Variants in NKAIN4 observed in about 807,000 individuals in gnomAD.
The protein encoded by NKAIN4 is sodium/potassium-transporting ATPase subunit beta-1-interacting protein 4.
A neutral mutation model predicts 28.8 loss-of-function variants in NKAIN4; 28 were observed. The ratio of observed to expected loss-of-function variants is 0.97; its 90% CI spans 0.72 to 1.33. The LOEUF (loss-of-function observed/expected upper bound fraction) is 1.33. Among genes scored for constraint, NKAIN4 ranks in the 40% most tolerant of loss-of-function variants. The pLI is 0.00. For missense variants in NKAIN4, 289 were observed against 277.2 expected, an observed-to-expected ratio of 1.04 and a Z score of -0.30; for synonymous variants, 122 against 115.6, an observed-to-expected ratio of 1.06 and a Z score of -0.36.
intron 4 of NKAIN4, chr20:63,246,761 G>A: frequency 2.0e-6 from 2 of 985,476 alleles, no homozygotes; most frequent in Non-Finnish European, 2.4e-6. Flanking sequence ...CTCTTGAGGT[G>A]AAACGCTGAC....
At chr20:63,242,080 T>C (rs6122107) in intron 6 of NKAIN4, among the ~76,000 whole-genome samples, 81,938 of 151,994 alleles carry the variant, frequency 0.54, 22,378 homozygotes, top group East Asian at 0.87. Context: ...GTGGGAGCCC[T>C]GGCACCCCAT....
chr20:63,248,978 C>T (rs991462075), intron 2 of NKAIN4, 83 bp from the exon 3 acceptor site: 2 of 920,924 alleles, frequency 2.2e-6, no homozygotes, highest in African/African-American at 3.3e-5. Flanking sequence ...GGGAAGGGGT[C>T]CCATGATCGC....
Position 63,241,087 on chromosome 20 carries a change from G to A in NKAIN4, c.*410C>T, listed in dbSNP as rs2066742005. 4.5e-6 allele frequency: 1 copy of A among 219,892 alleles called. No homozygotes were observed. Among genetic ancestry groups the A allele is most frequent in the East Asian group, 1.5e-4 (1 of 6,760 alleles). The allele number at this position is 219,892 out of a possible 1,614,324, so 13.6% of individuals were successfully genotyped here. A position where few individuals can be genotyped will look rare whatever the true frequency, so the allele number is the denominator to read the frequency against. ...GTCTCGGGCCTCACATTGACTTCCT[G>A]GGGAGGCTGCATCCCAGCAGCAGTG... is the stretch of plus-strand genomic sequence containing the variant. On this transcript the variant is annotated 3_prime_UTR_variant, in exon 7 of 7. Coordinates refer to ENST00000370316, the MANE Select transcript of NKAIN4 (RefSeq NM_152864.4).
chr20:63,250,195 C>T (rs2066932440), intron 1 of NKAIN4, 123 bp from the exon 2 acceptor site: 2 of 1,182,930 alleles, frequency 1.7e-6, no homozygotes, highest in South Asian at 3.2e-5. Context: ...GCCCACCACA[C>T]CTTTGTTTGA....
At position 63,245,546 on chromosome 20, in the gene NKAIN4, A is replaced by G. The variant is rs532491768; in HGVS notation, c.472-1462T>C. On this transcript the variant is annotated intron_variant, in intron 4 of 6. Transcript: ENST00000370316. The surrounding 1 kb of genome is among the most constrained non-coding windows in gnomAD (Gnocchi z 4.7). ...TCCTCCTGGCTCCAGCCCCAGGTCC[A>G]CCCCAAAGCTCTCCCCTCTCCCTGC... 2.6e-5 allele frequency among the ~76,000 whole-genome samples: 4 copies of G among 151,244 alleles called. No homozygotes were observed. Among genetic ancestry groups the G allele is most frequent in the African/African-American group, 9.7e-5 (4 of 41,146 alleles).
chr20:63,253,807 C>G (rs987658773), intron 1 of NKAIN4, among the ~76,000 whole-genome samples: 2 of 151,540 alleles, frequency 1.3e-5, no homozygotes, highest in Non-Finnish European at 1.5e-5. Flanking sequence ...CCCTTCTCGC[C>G]TCCGCGTAGC....
At chr20:63,243,508 C>T (rs2066799020) in intron 5 of NKAIN4, among the ~76,000 whole-genome samples, 1 of 152,042 alleles carries the variant, frequency 6.6e-6, no homozygotes. Context: ...CCTGTGAGAC[C>T]ACACCAGGAC....
upstream of NKAIN4, chr20:63,254,482 C>T (rs1279041416): frequency 5.4e-6 from 7 of 1,291,930 alleles, no homozygotes; most frequent in African/African-American, 8.0e-5. Flanking sequence ...CCCCCGGGTG[C>T]CCCGCGCTCG....
At chr20:63,248,667 G>A in intron 3 of NKAIN4, 148 bp downstream of exon 3, 1 of 640,126 alleles carries the variant, frequency 1.6e-6, no homozygotes, top group East Asian at 2.8e-5. Flanking sequence ...CTACAGACCA[G>A]GGCTGTTCTG....
chr20:63,252,542 C>T lies in NKAIN4; in HGVS notation c.54+1855G>A. On this transcript the variant is annotated intron_variant, in intron 1 of 6. Transcript: ENST00000370316. This position sits in a 1 kb window ranked among gnomAD's most constrained non-coding sequence, Gnocchi z 4.6. ...CCCATGCAGTGACTAGAGCTGTGGT[C>T]AAGGACTCTTCTTCCCCAAGGCAGA... 6.6e-6 allele frequency among the ~76,000 whole-genome samples: 1 copy of T among 152,222 alleles called. No homozygotes were observed. Among genetic ancestry groups the T allele is most frequent in the East Asian group, 1.9e-4 (1 of 5,174 alleles).
chr20:63,246,822 C>T (rs568561356), intron 4 of NKAIN4: 12 of 985,474 alleles, frequency 1.2e-5, no homozygotes, highest in East Asian at 2.3e-4. Flanking sequence ...CTGAGCACTT[C>T]GAGGAAGGCA....
rs1342191227 is a variant in NKAIN4, at chr20:63,252,075, C to T, written c.55-2003G>A. ...GCTGCACATCTCGGCTAAGGGGTCTCGGCCTGAGGAGCAGCCTCAGGTCTG... is the reference window on the plus strand; with the variant it reads ...GCTGCACATCTCGGCTAAGGGGTCTTGGCCTGAGGAGCAGCCTCAGGTCTG... On this transcript the variant is annotated intron_variant, in intron 1 of 6. Coordinates refer to ENST00000370316, the MANE Select transcript of NKAIN4 (RefSeq NM_152864.4). This position sits in a 1 kb window ranked among gnomAD's most constrained non-coding sequence, Gnocchi z 4.6. Among the ~76,000 whole-genome samples the T allele has an allele frequency of 1.3e-5, 2 of 152,182 alleles. No individual in the cohort carries two copies. Among genetic ancestry groups the T allele is most frequent in the Non-Finnish European group, 2.9e-5 (2 of 68,028 alleles).
chr20:63,251,328 G>C lies in NKAIN4; in HGVS notation c.55-1256C>G, dbSNP rs1044900833. ...GACCACTGAAGCACAGCATCACAGG[G>C]AGACGGTTAGGCCTCCGGATAACTG... On this transcript the variant is annotated intron_variant, in intron 1 of 6. Transcript: ENST00000370316. 3.3e-5 allele frequency among the ~76,000 whole-genome samples: 5 copies of C among 152,340 alleles called. No individual in the cohort carries two copies. The East Asian group carries it at 9.7e-4, about 29-fold the overall frequency.
intron 3 of NKAIN4, 87 bp downstream of exon 3, chr20:63,248,728 G>A: frequency 1.2e-6 from 1 of 849,598 alleles, no homozygotes; most frequent in Non-Finnish European, 2.0e-6. Flanking sequence ...TCAGACGACA[G>A]ATGAAAAGCA....
At chr20:63,243,035 T>C (rs13037647) in intron 5 of NKAIN4, among the ~76,000 whole-genome samples, 93,742 of 152,050 alleles carry the variant, frequency 0.62, 29,194 homozygotes, top group East Asian at 0.86. Flanking sequence ...CCCTCCGTCA[T>C]GTTCAGACCG....
rs147844475 is a variant in NKAIN4 at position 63,247,326 on chromosome 20, C to T, written c.471+252G>A. On this transcript the variant is annotated intron_variant, in intron 4 of 6. Transcript: ENST00000370316. Reference sequence around the variant, plus strand: ...TTCCCACTCCCCACAGCAAACACCACGCTCAACTTGAGAAAGCGCCTGGGT... The same window carrying T: ...TTCCCACTCCCCACAGCAAACACCATGCTCAACTTGAGAAAGCGCCTGGGT... 2.6e-3 allele frequency: 3,802 copies of T among 1,447,928 alleles called. 7 individuals are homozygous for T. Among genetic ancestry groups the T allele is most frequent in the Non-Finnish European group, 3.3e-3 (3,577 of 1,096,544 alleles). 89.7% of individuals were successfully genotyped at this position (1,447,928 alleles called of 1,614,324 possible).
At chr20:63,250,604 C>T (rs1008091627) in intron 1 of NKAIN4, among the ~76,000 whole-genome samples, 3 of 133,620 alleles carry the variant, frequency 2.2e-5, no homozygotes, top group Non-Finnish European at 5.3e-5. Context: ...TGAGGCTGCT[C>T]TCTGGCAGGC....
At chr20:63,247,361 C>G in intron 4 of NKAIN4, 1 of 1,512,440 alleles carries the variant, frequency 6.6e-7, no homozygotes, top group East Asian at 2.5e-5. Context: ...TTGGCCCCGC[C>G]TGGGGGAGGT....
chr20:63,250,229 C>G (rs2066932827), intron 1 of NKAIN4, among the ~76,000 whole-genome samples, 157 bp from the exon 2 acceptor site: 1 of 152,138 alleles, frequency 6.6e-6, no homozygotes, highest in African/African-American at 2.4e-5. Context: ...GGCTGTAACT[C>G]CTGCTCTGTG....
Sources: allele counts gnomAD v4.1 joint callset (sites outside exome capture counted in the v4.1 genomes callset), GRCh38; gene constraint gnomAD v4.1.1; non-coding constraint Gnocchi (gnomAD v3.1); transcripts MANE v1.5; gene names NCBI Gene and HGNC (gene_info 2026-07-23, HGNC 2026-07-21).